Variants in ZFPM2 observed in about 807,000 individuals in gnomAD.
ZFPM2 encodes the protein zinc finger protein, FOG family member 2, also known as zinc finger protein ZFPM2.
ZFPM2 carries 20 observed loss-of-function variants against 98.6 expected under a neutral mutation model. That is an observed-to-expected ratio of 0.20 (90% CI 0.14 to 0.29). ZFPM2 has a LOEUF of 0.29. ZFPM2 is among the 10% of genes least tolerant of loss of function. ZFPM2 has a pLI of 1.00. For synonymous variants in ZFPM2, 518 were observed against 502.7 expected (o/e 1.03, Z -0.41); for missense variants, 1,310 against 1,388.6 (o/e 0.94, Z 0.90).
intron 5 of ZFPM2, among the ~76,000 whole-genome samples, chr8:105,732,461 G>A (rs1175029914): frequency 6.6e-6 from 1 of 151,754 alleles, no homozygotes; most frequent in Non-Finnish European, 1.5e-5. Context: ...CTAACTATTG[G>A]TTGGATTGTG....
intron 3 of ZFPM2, among the ~76,000 whole-genome samples, chr8:105,552,035 A>G (rs1273734275): frequency 1.3e-5 from 2 of 152,178 alleles, no homozygotes; most frequent in Non-Finnish European, 2.9e-5. Context: ...TGTTGACTAA[A>G]TAAATAAATA....
chr8:105,322,552 A>G (rs1375058092), intron 1 of ZFPM2, among the ~76,000 whole-genome samples: 3 of 151,550 alleles, frequency 2.0e-5, no homozygotes, highest in Non-Finnish European at 4.4e-5. Context: ...TTTGTATAAG[A>G]TTAGGAAAAG....
chr8:105,477,520 G>C (rs1388216050), intron 3 of ZFPM2, among the ~76,000 whole-genome samples: 1 of 151,960 alleles, frequency 6.6e-6, no homozygotes, highest in Admixed American at 6.6e-5. Flanking sequence ...TGGGATTACA[G>C]GTGTGAGCCA....
intron 3 of ZFPM2, among the ~76,000 whole-genome samples, chr8:105,509,951 G>A (rs1387975185): frequency 4.6e-5 from 7 of 152,264 alleles, no homozygotes; most frequent in African/African-American, 1.4e-4. Context: ...CACTGATACG[G>A]TTAGCAGATA....
At chr8:105,534,204 CCTT>C (rs1814391082) in intron 3 of ZFPM2, among the ~76,000 whole-genome samples, 1 of 76,860 alleles carries the variant, frequency 1.3e-5, no homozygotes, top group Admixed American at 1.2e-4. Flanking sequence ...TCCCTCCCTC[CCTT>C]CTTCCTTCTT....
At chr8:105,362,828 T>G (rs913591847) in intron 1 of ZFPM2, among the ~76,000 whole-genome samples, 2 of 152,162 alleles carry the variant, frequency 1.3e-5, no homozygotes, top group African/African-American at 4.8e-5. Context: ...TAGTGCAGAA[T>G]TCCCTTGGTT....
chr8:105,407,877 T>C (rs1347183643), intron 1 of ZFPM2, among the ~76,000 whole-genome samples: 1 of 151,964 alleles, frequency 6.6e-6, no homozygotes, highest in Non-Finnish European at 1.5e-5. Context: ...CTGCATATGA[T>C]GCCATATAGA....
At position 105,608,673 on chromosome 8, in the gene ZFPM2, C is replaced by T. The variant is rs1407847954; in HGVS notation, c.421-25573C>T. ...TTGGGTTTTTAGAGAAGATGAAATT[C>T]ATTTTAGACATGTTGAATTTGAAAT... is the stretch of plus-strand genomic sequence containing the variant. On this transcript the variant is annotated intron_variant, in intron 4 of 7. Coordinates refer to ENST00000407775, the MANE Select transcript of ZFPM2 (RefSeq NM_012082.4). 3.0e-5 allele frequency among the ~76,000 whole-genome samples: 4 copies of T among 134,762 alleles called. No individual in the cohort carries two copies. The East Asian group carries it at 7.2e-4, about 24-fold the overall frequency. 88.4% of individuals were successfully genotyped at this position (134,762 alleles called of 152,430 possible).
intron 5 of ZFPM2, among the ~76,000 whole-genome samples, chr8:105,647,682 C>A (rs1305902227): frequency 6.6e-6 from 1 of 152,132 alleles, no homozygotes; most frequent in African/African-American, 2.4e-5. Context: ...CCAACTTCAT[C>A]CACGTCCCCA....
intron 5 of ZFPM2, among the ~76,000 whole-genome samples, chr8:105,685,491 T>C (rs930753440): frequency 2.6e-5 from 4 of 152,150 alleles, no homozygotes; most frequent in African/African-American, 2.4e-5. Flanking sequence ...TCAATATATT[T>C]TCTACTCAAA....
chr8:105,482,901 C>T (rs769135216), intron 3 of ZFPM2, among the ~76,000 whole-genome samples: 19 of 94,382 alleles, frequency 2.0e-4, no homozygotes, highest in African/African-American at 4.8e-4. Context: ...TTCCTTCCTT[C>T]TTTCCTTCCT....
chr8:105,355,672 T>C (rs1812727487), intron 1 of ZFPM2, among the ~76,000 whole-genome samples: 2 of 152,192 alleles, frequency 1.3e-5, no homozygotes, highest in Admixed American at 6.6e-5. Flanking sequence ...AAAGAGGAAA[T>C]GACAAGAGAT....
intron 5 of ZFPM2, among the ~76,000 whole-genome samples, chr8:105,693,815 C>A (rs113043418): frequency 6.6e-6 from 1 of 151,834 alleles, no homozygotes; most frequent in South Asian, 2.1e-4. Flanking sequence ...CATGTGATAT[C>A]TCTCTGTAGT....
intron 4 of ZFPM2, among the ~76,000 whole-genome samples, chr8:105,621,077 G>A (rs1376605102): frequency 2.6e-5 from 4 of 152,122 alleles, no homozygotes; most frequent in Non-Finnish European, 2.9e-5. Context: ...ACAGTCATTG[G>A]TAGCTTGATG....
At chr8:105,555,537 C>A (rs1329731291) in intron 3 of ZFPM2, among the ~76,000 whole-genome samples, 1 of 151,996 alleles carries the variant, frequency 6.6e-6, no homozygotes, top group Non-Finnish European at 1.5e-5. Context: ...AATTGTGTTC[C>A]ATTTGTATTT....
At chr8:105,715,407 T>TG (rs1180282612) in intron 5 of ZFPM2, among the ~76,000 whole-genome samples, 1 of 110,550 alleles carries the variant, frequency 9.0e-6, no homozygotes, top group Non-Finnish European at 1.9e-5. Context: ...CCCCATCTCT[T>TG]GAAAAAAAAA....
intron 4 of ZFPM2, among the ~76,000 whole-genome samples, chr8:105,580,858 A>C (rs1815579992): frequency 6.7e-6 from 1 of 150,338 alleles, no homozygotes; most frequent in Non-Finnish European, 1.5e-5. Context: ...TCACTGAGAG[A>C]AAAAATCTTT....
At chr8:105,589,388 ATACTT>A in intron 4 of ZFPM2, among the ~76,000 whole-genome samples, 1 of 152,328 alleles carries the variant, frequency 6.6e-6, no homozygotes, top group African/African-American at 2.4e-5. Flanking sequence ...CCATATGGCT[ATACTT>A]TATATATATT....
rs1446342964 is a variant in ZFPM2, at chr8:105,332,016, T to C, written c.40+13035T>C. Among the ~76,000 whole-genome samples the C allele has an allele frequency of 1.3e-5, 2 of 151,762 alleles. 1 individual carries two copies. Among genetic ancestry groups the C allele is most frequent in the South Asian group, 4.1e-4 (2 of 4,836 alleles). Reference sequence around the variant, plus strand: ...GATCACTAAGCATACTATTGTTATGTAGCACTTCCCTATCCAACTCCTACC... The same window carrying C: ...GATCACTAAGCATACTATTGTTATGCAGCACTTCCCTATCCAACTCCTACC... On this transcript the variant is annotated intron_variant, in intron 1 of 7. Transcript: ENST00000407775.
Sources: gnomAD v4.1 joint callset for allele counts (sites outside exome capture counted in the v4.1 genomes callset) on GRCh38, gnomAD v4.1.1 for gene constraint, MANE v1.5 for transcripts, NCBI Gene and HGNC (gene_info 2026-07-23, HGNC 2026-07-21) for gene names.